The following LRP1B variants were observed in gnomAD, a reference collection of about 807,000 sequenced individuals.
LRP1B encodes the protein low-density lipoprotein receptor-related protein 1B.
Under a neutral mutation model 556.6 loss-of-function variants are expected in LRP1B, and 217 were observed. That is an observed-to-expected ratio of 0.39 (90% confidence interval 0.35 to 0.44). LRP1B has a LOEUF of 0.44. Ranked by LOEUF, LRP1B falls within the 20% of genes least tolerant of loss-of-function variation. The probability of loss-of-function intolerance (pLI) is 1.00; values close to 1 mark genes in which losing one functional copy is unlikely to be tolerated. For missense variants in LRP1B, 5,053 were observed against 5,620.8 expected (o/e 0.90, Z 3.23); for synonymous variants, 2,047 against 1,865.8 (o/e 1.10, Z -2.50).
chr2:141,532,806 T>G (rs1397684055), intron 2 of LRP1B, among the ~76,000 whole-genome samples: 1 of 151,922 alleles, frequency 6.6e-6, no homozygotes, highest in African/African-American at 2.4e-5. Context: ...GCCAAAATAG[T>G]GAAACCCCGT....
At chr2:140,613,735 T>C (rs1242006372) in intron 41 of LRP1B, among the ~76,000 whole-genome samples, 1 of 152,008 alleles carries the variant, frequency 6.6e-6, no homozygotes, top group Non-Finnish European at 1.5e-5. Flanking sequence ...GCCACATCCA[T>C]ATGATGACCC....
At chr2:141,657,439 T>C (rs1267896205) in intron 2 of LRP1B, among the ~76,000 whole-genome samples, 1 of 152,150 alleles carries the variant, frequency 6.6e-6, no homozygotes. Flanking sequence ...AGAGTCCCTA[T>C]TATGAATAGC....
At chr2:140,665,030 G>A (rs1685218745) in intron 41 of LRP1B, among the ~76,000 whole-genome samples, 1 of 152,094 alleles carries the variant, frequency 6.6e-6, no homozygotes, top group Non-Finnish European at 1.5e-5. Context: ...TTAATAATTT[G>A]TATCTTACCT....
At chr2:141,409,433 G>A (rs909711789) in intron 3 of LRP1B, among the ~76,000 whole-genome samples, 1 of 152,066 alleles carries the variant, frequency 6.6e-6, no homozygotes, top group Non-Finnish European at 1.5e-5. Flanking sequence ...TTCAGATGAG[G>A]CAGTGTATAT....
At chr2:141,116,899 G>C (rs1294788798) in intron 7 of LRP1B, among the ~76,000 whole-genome samples, 1 of 151,940 alleles carries the variant, frequency 6.6e-6, no homozygotes, top group Non-Finnish European at 1.5e-5. Context: ...TATTTTATGT[G>C]ATAGTGTGTT....
intron 7 of LRP1B, among the ~76,000 whole-genome samples, chr2:141,107,164 G>A (rs7584559): frequency 0.36 from 54,317 of 151,412 alleles, 10,144 homozygotes; most frequent in East Asian, 0.66. Context: ...AAAAAGTAAA[G>A]GGTTCTATTC....
chr2:141,457,088 T>C (rs1048360785), intron 3 of LRP1B, among the ~76,000 whole-genome samples: 4 of 152,150 alleles, frequency 2.6e-5, no homozygotes, highest in Admixed American at 6.6e-5. Context: ...TGAAGTTTTA[T>C]TATAGGCAGA....
intron 2 of LRP1B, among the ~76,000 whole-genome samples, chr2:141,525,011 C>T (rs1474399224): frequency 1.3e-5 from 2 of 152,054 alleles, no homozygotes; most frequent in South Asian, 2.1e-4. Flanking sequence ...CCTGAAACAC[C>T]TTCTTGCTTT....
intron 31 of LRP1B, among the ~76,000 whole-genome samples, chr2:140,826,278 G>A (rs1691504524): frequency 6.6e-6 from 1 of 152,036 alleles, no homozygotes; most frequent in Non-Finnish European, 1.5e-5. Context: ...TTCCCACCTG[G>A]GGCCACTATC....
chr2:140,820,753 T>C (rs535877553), intron 31 of LRP1B, among the ~76,000 whole-genome samples: 20 of 152,246 alleles, frequency 1.3e-4, no homozygotes, highest in Non-Finnish European at 2.9e-5. Context: ...TAAACTGTAG[T>C]TCCTGACAAC....
intron 6 of LRP1B, among the ~76,000 whole-genome samples, chr2:141,196,282 G>A (rs1681747438): frequency 6.6e-6 from 1 of 152,010 alleles, no homozygotes; most frequent in African/African-American, 2.4e-5. Context: ...GCTACGTCAA[G>A]TGCATTTACT....
At chr2:141,915,649 A>G (rs996545920) in intron 1 of LRP1B, among the ~76,000 whole-genome samples, 5 of 152,172 alleles carry the variant, frequency 3.3e-5, no homozygotes, top group African/African-American at 1.2e-4. Context: ...AAACAGACCA[A>G]CTAAAGAATG....
chr2:141,469,462 C>G (rs1232070450), intron 3 of LRP1B, among the ~76,000 whole-genome samples: 1 of 151,556 alleles, frequency 6.6e-6, no homozygotes, highest in Non-Finnish European at 1.5e-5. Flanking sequence ...AGTCCAAGAT[C>G]AAGGTACCAG....
intron 2 of LRP1B, among the ~76,000 whole-genome samples, chr2:141,634,722 T>C (rs999779889): frequency 6.6e-6 from 1 of 152,016 alleles, no homozygotes; most frequent in African/African-American, 2.4e-5. Flanking sequence ...TATATTTGTA[T>C]GAAATTCTTA....
intron 11 of LRP1B, among the ~76,000 whole-genome samples, chr2:141,022,214 G>C (rs1414338016): frequency 6.6e-6 from 1 of 151,132 alleles, no homozygotes; most frequent in Non-Finnish European, 1.5e-5. Flanking sequence ...CTTAGGCTAG[G>C]TATCTAGTCT....
chr2:141,376,159 G>T (rs1009503238), intron 3 of LRP1B, among the ~76,000 whole-genome samples: 2 of 152,148 alleles, frequency 1.3e-5, no homozygotes, highest in Non-Finnish European at 2.9e-5. Flanking sequence ...ATAGCACTCA[G>T]CTCAAGCTGC....
chr2:140,725,924 G>C (rs909986144), intron 35 of LRP1B, among the ~76,000 whole-genome samples: 1 of 151,984 alleles, frequency 6.6e-6, no homozygotes, highest in Non-Finnish European at 1.5e-5. Context: ...TTGCATTTGC[G>C]TAGTTTAAAT....
At chr2:141,894,997 G>C (rs574741506) in intron 1 of LRP1B, among the ~76,000 whole-genome samples, 27 of 141,818 alleles carry the variant, frequency 1.9e-4, no homozygotes, top group African/African-American at 6.3e-4. Context: ...GCAGTGAGTT[G>C]AGTTCGTGCC....
At chr2:141,027,134 G>A (rs998864010) in intron 11 of LRP1B, among the ~76,000 whole-genome samples, 8 of 152,076 alleles carry the variant, frequency 5.3e-5, no homozygotes, top group African/African-American at 1.9e-4. Flanking sequence ...GAAGGGAGGG[G>A]AATAAAGCTA....
Sources: gnomAD v4.1 joint callset for allele counts (sites outside exome capture counted in the v4.1 genomes callset) on GRCh38, gnomAD v4.1.1 for gene constraint, MANE v1.5 for transcripts, NCBI Gene and HGNC (gene_info 2026-07-23, HGNC 2026-07-21) for gene names.